Variants in NDST4 observed in about 807,000 individuals in gnomAD.
NDST4 encodes N-deacetylase and N-sulfotransferase 4.
Under a neutral mutation model 100.8 loss-of-function variants are expected in NDST4, and 63 were observed. The observed-to-expected ratio is 0.62, with a 90% confidence interval of 0.51 to 0.77. The LOEUF (loss-of-function observed/expected upper bound fraction) is 0.77, where lower values mean the gene tolerates loss of function less well. Ranked by LOEUF, NDST4 falls within the 30% of genes least tolerant of loss-of-function variation. The pLI, the probability that NDST4 is intolerant of heterozygous loss-of-function variation, is 0.00. For missense variants in NDST4, 943 were observed against 1,018.4 expected, an observed-to-expected ratio of 0.93 and a Z score of 1.01; for synonymous variants, 377 against 361.8, an observed-to-expected ratio of 1.04 and a Z score of -0.48.
At chr4:114,850,285 A>T (rs1007441416) in intron 8 of NDST4, among the ~76,000 whole-genome samples, 1 of 152,112 alleles carries the variant, frequency 6.6e-6, no homozygotes, top group African/African-American at 2.4e-5. Flanking sequence ...TGGTCACATA[A>T]TCGTACCCCG....
Position 115,039,595 on chromosome 4 carries a change from AC to A in NDST4, c.978+36463del, listed in dbSNP as rs375751054. On this transcript the variant is annotated intron_variant, in intron 2 of 13. Coordinates refer to ENST00000264363, the MANE Select transcript of NDST4 (RefSeq NM_022569.3). ...ACAGCTATATCAATAAATGTAAACC[AC>A]TTAACTCATTTATTAAAATAAAAAA... Among the ~76,000 whole-genome samples the A allele has an allele frequency of 9.3e-4, 141 of 152,296 alleles. 2 individuals carry two copies. The highest frequency in any genetic ancestry group is 3.1e-3 in the African/African-American group (128 of 41,566).
intron 2 of NDST4, among the ~76,000 whole-genome samples, chr4:114,990,722 T>C (rs1727018555): frequency 1.3e-5 from 2 of 152,130 alleles, no homozygotes; most frequent in Admixed American, 1.3e-4. Flanking sequence ...ATTTACATAA[T>C]ACACTTTTTG....
At chr4:115,018,420 T>C (rs911669067) in intron 2 of NDST4, among the ~76,000 whole-genome samples, 15 of 152,114 alleles carry the variant, frequency 9.9e-5, no homozygotes, top group East Asian at 3.9e-4. Flanking sequence ...TAAAAATTCT[T>C]AATAATATGT....
chr4:114,977,434 T>G (rs1486264501), intron 2 of NDST4, among the ~76,000 whole-genome samples, 160 bp from the exon 3 acceptor site: 2 of 151,944 alleles, frequency 1.3e-5, no homozygotes, highest in East Asian at 3.9e-4. Context: ...GGTATTATAA[T>G]TATTATAGTC....
intron 2 of NDST4, among the ~76,000 whole-genome samples, chr4:115,010,780 A>T (rs1447746423): frequency 6.6e-6 from 1 of 152,124 alleles, no homozygotes; most frequent in Admixed American, 6.6e-5. Flanking sequence ...AATATGAAAG[A>T]CAATCACCAG....
chr4:115,066,971 T>A (rs1273774435), intron 2 of NDST4, among the ~76,000 whole-genome samples: 1 of 152,200 alleles, frequency 6.6e-6, no homozygotes, highest in East Asian at 1.9e-4. Context: ...GCCACTGCTG[T>A]CTATGCCATT....
chr4:114,907,222 T>C (rs1180942962), intron 6 of NDST4, among the ~76,000 whole-genome samples: 3 of 151,486 alleles, frequency 2.0e-5, no homozygotes, highest in African/African-American at 7.3e-5. Flanking sequence ...CTCATGCTTG[T>C]CCTTGGATTC....
chr4:114,937,023 A>G (rs1725643985), intron 5 of NDST4, among the ~76,000 whole-genome samples: 1 of 152,232 alleles, frequency 6.6e-6, no homozygotes, highest in Non-Finnish European at 1.5e-5. Context: ...TAGGAAAAGT[A>G]TGGAATCCAC....
At chr4:115,044,749 G>A (rs1728429798) in intron 2 of NDST4, among the ~76,000 whole-genome samples, 1 of 146,068 alleles carries the variant, frequency 6.8e-6, no homozygotes, top group Non-Finnish European at 1.5e-5. Flanking sequence ...CAGATATTGG[G>A]GTTACTAGAT....
chr4:114,986,830 A>ATATATATT (rs1553959396), intron 2 of NDST4, among the ~76,000 whole-genome samples: 1 of 91,960 alleles, frequency 1.1e-5, no homozygotes, highest in African/African-American at 4.3e-5. Context: ...ATATATATAT[A>ATATATATT]TATTTTAATA....
At chr4:114,929,873 T>C (rs1725476684) in intron 6 of NDST4, among the ~76,000 whole-genome samples, 1 of 152,170 alleles carries the variant, frequency 6.6e-6, no homozygotes, top group Non-Finnish European at 1.5e-5. Flanking sequence ...TAGACAAACA[T>C]TCAAGTAATA....
intron 2 of NDST4, among the ~76,000 whole-genome samples, chr4:115,063,075 C>T (rs950906827): frequency 2.6e-5 from 4 of 151,776 alleles, no homozygotes; most frequent in African/African-American, 4.8e-5. Flanking sequence ...AAAAAAGTGA[C>T]GTGATTGGAA....
intron 6 of NDST4, among the ~76,000 whole-genome samples, chr4:114,874,452 A>AT (rs759586702): frequency 2.0e-5 from 3 of 152,190 alleles, no homozygotes; most frequent in East Asian, 3.8e-4. Context: ...TTTACTGAGA[A>AT]TAAAAACAAG....
chr4:114,927,415 C>G (rs1290932943), intron 6 of NDST4, among the ~76,000 whole-genome samples: 8 of 151,770 alleles, frequency 5.3e-5, no homozygotes, highest in Admixed American at 4.6e-4. Context: ...TGATTGTAGC[C>G]CACACAATTT....
At chr4:115,086,464 A>C (rs1418267508) in intron 1 of NDST4, among the ~76,000 whole-genome samples, 2 of 152,086 alleles carry the variant, frequency 1.3e-5, no homozygotes, top group African/African-American at 4.8e-5. Flanking sequence ...TCTTGATTTC[A>C]GTGACATAAT....
intron 8 of NDST4, among the ~76,000 whole-genome samples, chr4:114,849,885 TGAGGGACGAGGG>T (rs1723635411): frequency 6.6e-6 from 1 of 152,144 alleles, no homozygotes; most frequent in African/African-American, 2.4e-5. Flanking sequence ...GTAATAGTTA[TGAGGGACGAGGG>T]GCATCCTCAA....
intron 1 of NDST4, among the ~76,000 whole-genome samples, chr4:115,104,588 T>C (rs1424235363): frequency 1.3e-5 from 2 of 152,178 alleles, no homozygotes; most frequent in Non-Finnish European, 2.9e-5. Context: ...GGCCCCTTTT[T>C]CTAACATTTT....
At chr4:115,106,219 C>T (rs1170254437) in intron 1 of NDST4, among the ~76,000 whole-genome samples, 2 of 151,974 alleles carry the variant, frequency 1.3e-5, no homozygotes, top group African/African-American at 2.4e-5. Context: ...ATGAACAGGC[C>T]AAATAATGTC....
intron 4 of NDST4, among the ~76,000 whole-genome samples, chr4:114,965,614 T>C (rs577650349): frequency 3.3e-5 from 5 of 152,146 alleles, no homozygotes; most frequent in East Asian, 1.9e-4. Flanking sequence ...CACATCATCA[T>C]TGAAAATGTC....
Sources: allele counts gnomAD v4.1 joint callset (sites outside exome capture counted in the v4.1 genomes callset), GRCh38; gene constraint gnomAD v4.1.1; transcripts MANE v1.5; gene names NCBI Gene and HGNC (gene_info 2026-07-23, HGNC 2026-07-21).